CTTNBP2: variants seen among roughly 807,000 people sequenced by gnomAD.
The protein encoded by CTTNBP2 is cortactin binding protein 2.
CTTNBP2 carries 108 observed loss-of-function variants against 156.9 expected under a neutral mutation model. That is an observed-to-expected ratio of 0.69 (90% CI 0.59 to 0.81). The LOEUF is 0.81. Among genes scored for constraint, CTTNBP2 ranks in the 30% least tolerant of loss-of-function variants. The pLI is 0.00. For missense variants in CTTNBP2, 1,924 were observed against 2,035.4 expected, an observed-to-expected ratio of 0.95 and a Z score of 1.05; for synonymous variants, 767 against 751.8, an observed-to-expected ratio of 1.02 and a Z score of -0.33.
chr7:117,763,881 A>AT (rs889963260), intron 9 of CTTNBP2, among the ~76,000 whole-genome samples: 13 of 151,874 alleles, frequency 8.6e-5, no homozygotes, highest in African/African-American at 1.2e-4. Context: ...ATACAACATT[A>AT]TTTTTTGGCT....
At chr7:117,772,033 G>A (rs539327078) in intron 8 of CTTNBP2, among the ~76,000 whole-genome samples, 69 of 152,316 alleles carry the variant, frequency 4.5e-4, no homozygotes, top group African/African-American at 1.6e-3. Context: ...ACAGAAGTGT[G>A]CCTAGGGGAG....
At chr7:117,822,682 T>C (rs754682479) in intron 2 of CTTNBP2, among the ~76,000 whole-genome samples, 2 of 152,236 alleles carry the variant, frequency 1.3e-5, no homozygotes, top group Non-Finnish European at 2.9e-5. Flanking sequence ...AATAGCTAAC[T>C]GCGACTGATT....
chr7:117,840,279 A>T (rs915207933), intron 2 of CTTNBP2, among the ~76,000 whole-genome samples: 3 of 152,128 alleles, frequency 2.0e-5, no homozygotes, highest in Non-Finnish European at 4.4e-5. Context: ...TGTCCAAAAA[A>T]GTTGAAAAGT....
At chr7:117,712,039 C>T (rs1192029166) in intron 22 of CTTNBP2, among the ~76,000 whole-genome samples, 2 of 152,206 alleles carry the variant, frequency 1.3e-5, no homozygotes, top group African/African-American at 2.4e-5. Context: ...AGGCGTCGAT[C>T]TCCTTACCAA....
intron 8 of CTTNBP2, among the ~76,000 whole-genome samples, chr7:117,771,753 T>C (rs1453511758): frequency 1.3e-5 from 2 of 152,186 alleles, no homozygotes; most frequent in African/African-American, 4.8e-5. Flanking sequence ...GATTAAAAAG[T>C]AACTGTTCAG....
At chr7:117,722,561 TTCA>T (rs1019526566) in intron 19 of CTTNBP2, among the ~76,000 whole-genome samples, 3 of 152,192 alleles carry the variant, frequency 2.0e-5, no homozygotes, top group African/African-American at 7.2e-5. Context: ...TTCAAGTCTA[TTCA>T]TCTTTTTTTA....
At chr7:117,826,160 C>A (rs2117052018) in intron 2 of CTTNBP2, among the ~76,000 whole-genome samples, 1 of 152,270 alleles carries the variant, frequency 6.6e-6, no homozygotes, top group Non-Finnish European at 1.5e-5. Context: ...ACTATGGGGG[C>A]ATTCATGAAA....
intron 2 of CTTNBP2, among the ~76,000 whole-genome samples, chr7:117,826,051 G>A (rs1801255634): frequency 6.6e-6 from 1 of 152,082 alleles, no homozygotes; most frequent in African/African-American, 2.4e-5. Flanking sequence ...AGTCACAACT[G>A]TTCTTTCTCT....
intron 22 of CTTNBP2, chr7:117,713,725 C>G (rs1294731595): frequency 1.3e-5 from 2 of 152,186 alleles, no homozygotes; most frequent in Non-Finnish European, 2.9e-5. Context: ...TAAAGCCCAA[C>G]ACAACATGTT....
intron 12 of CTTNBP2, among the ~76,000 whole-genome samples, chr7:117,755,761 G>A (rs575322497): frequency 6.6e-6 from 1 of 152,198 alleles, no homozygotes; most frequent in African/African-American, 2.4e-5. Flanking sequence ...CTTCCTTTTA[G>A]TAACAGACCA....
intron 2 of CTTNBP2, among the ~76,000 whole-genome samples, chr7:117,857,191 GACAA>G (rs536770462): frequency 2.9e-4 from 44 of 152,218 alleles, no homozygotes; most frequent in African/African-American, 1.0e-3. Context: ...AGGAATTGTT[GACAA>G]ACTAAATAAT....
chr7:117,772,417 G>C (rs562681016), intron 8 of CTTNBP2, among the ~76,000 whole-genome samples: 1 of 152,322 alleles, frequency 6.6e-6, no homozygotes, highest in East Asian at 1.9e-4. Context: ...GTTGGAGTAA[G>C]AGAGGAGAAG....
At chr7:117,811,073 T>G in intron 2 of CTTNBP2, 84 bp from the exon 3 acceptor site, 1 of 976,066 alleles carries the variant, frequency 1.0e-6, no homozygotes, top group Non-Finnish European at 1.5e-6. Flanking sequence ...GTGATTATAC[T>G]TCCAAATGGT....
intron 8 of CTTNBP2, among the ~76,000 whole-genome samples, chr7:117,767,790 GTTGC>G (rs1797569666): frequency 6.6e-6 from 1 of 152,094 alleles, no homozygotes; most frequent in African/African-American, 2.4e-5. Context: ...CTTCTTCTGT[GTTGC>G]TTAAGGAAAT....
intron 10 of CTTNBP2, among the ~76,000 whole-genome samples, chr7:117,758,617 G>C (rs1797018545): frequency 6.6e-6 from 1 of 151,962 alleles, no homozygotes; most frequent in Admixed American, 6.6e-5. Flanking sequence ...CAATATACAT[G>C]CACACTCACC....
At chr7:117,819,956 A>G (rs1232215567) in intron 2 of CTTNBP2, among the ~76,000 whole-genome samples, 1 of 152,250 alleles carries the variant, frequency 6.6e-6, no homozygotes, top group Non-Finnish European at 1.5e-5. Context: ...AGACCATATT[A>G]GCAGAATTCA....
chr7:117,750,081 T>C (rs1164689635), intron 12 of CTTNBP2, among the ~76,000 whole-genome samples: 1 of 152,216 alleles, frequency 6.6e-6, no homozygotes, highest in Non-Finnish European at 1.5e-5. Context: ...TTTTAAGATT[T>C]ACTGAAAATA....
At chr7:117,775,816 T>C (rs1318316055) in intron 8 of CTTNBP2, among the ~76,000 whole-genome samples, 1 of 152,210 alleles carries the variant, frequency 6.6e-6, no homozygotes, top group African/African-American at 2.4e-5. Flanking sequence ...ATGTCAAATA[T>C]TATTGCATTC....
rs1219397133 is a variant in CTTNBP2, at chr7:117,740,107, A to G, written c.3536-4686T>C. Among the ~76,000 whole-genome samples, 4 of 152,108 alleles carry G rather than the reference A, an allele frequency of 2.6e-5. No homozygotes were observed. In the East Asian group the frequency reaches 5.8e-4, roughly 22 times the overall value. On this transcript the variant is annotated intron_variant, in intron 14 of 22. Coordinates refer to ENST00000160373, the MANE Select transcript of CTTNBP2 (RefSeq NM_033427.3). ...CCTCCTTACCAAATAACAGAGTCATATGACATGACCCTCTCTCAAGAAAGG... is the reference window on the plus strand; with the variant it reads ...CCTCCTTACCAAATAACAGAGTCATGTGACATGACCCTCTCTCAAGAAAGG...
Sources: gnomAD v4.1 joint callset for allele counts (sites outside exome capture counted in the v4.1 genomes callset) on GRCh38, gnomAD v4.1.1 for gene constraint, MANE v1.5 for transcripts, NCBI Gene and HGNC (gene_info 2026-07-23, HGNC 2026-07-21) for gene names.